SMIM29: variants seen among roughly 807,000 people sequenced by gnomAD.
The protein encoded by SMIM29 is uncharacterized protein C6orf1.
Under a neutral mutation model 12.9 loss-of-function variants are expected in SMIM29, and 4 were observed. The ratio of observed to expected loss-of-function variants is 0.31; its 90% CI spans 0.15 to 0.71. The LOEUF (loss-of-function observed/expected upper bound fraction) is 0.71, where lower values mean the gene tolerates loss of function less well. Among genes scored for constraint, SMIM29 ranks in the 30% least tolerant of loss-of-function variants. The pLI is 0.70. For synonymous variants in SMIM29, 50 were observed against 52.0 expected (o/e 0.96, Z 0.17); for missense variants, 122 against 138.1 (o/e 0.88, Z 0.58).
chr6:34,248,888 C>T, intron 1 of SMIM29, 91 bp downstream of exon 1: 10 of 985,646 alleles, frequency 1.0e-5, no homozygotes, highest in Non-Finnish European at 1.2e-5. Context: ...GCGGATGGGC[C>T]GCCCCGCGCC....
rs1424037534 is a variant in SMIM29 at position 34,246,591 on chromosome 6, C to T, written c.*212G>A. On this transcript the variant is annotated 3_prime_UTR_variant, in exon 5 of 5. Coordinates refer to ENST00000476320, the MANE Select transcript of SMIM29 (RefSeq NM_001008703.4). Reference sequence around the variant, plus strand: ...CTTCCCATGAGTGCCTGTGGGTGGGCGGTGAGCTCAACACCCACAAAGGGC... The same window carrying T: ...CTTCCCATGAGTGCCTGTGGGTGGGTGGTGAGCTCAACACCCACAAAGGGC... The T allele has an allele frequency of 7.5e-6, 12 of 1,609,554 alleles. No homozygotes were observed. In the East Asian group the frequency reaches 8.9e-5, roughly 12 times the overall value.
In SMIM29 at chr6:34,247,678, T is replaced by A; in HGVS notation, c.111+3A>T. On this transcript the variant is annotated splice_donor_region_variant and intron_variant, in intron 2 of 4. Transcript: ENST00000476320. ...TGTCTGTGTGTATATGAGGGCTCCT[T>A]ACCACAGCCACCACCACCCCGACCA... 1 of 1,408,692 alleles carries A rather than the reference T, an allele frequency of 7.1e-7. No individual in the cohort carries two copies. The highest frequency in any genetic ancestry group is 9.2e-7 in the Non-Finnish European group (1 of 1,087,970). 87.3% of individuals were successfully genotyped at this position (1,408,692 alleles called of 1,614,324 possible).
rs952582736 is a variant in SMIM29, at chr6:34,246,406, CATTTT to C, written c.*392_*396del. Reference sequence around the variant, plus strand: ...GAAATCAAAACCCCTAGCCACAAAACATTTTATTTACAAAATATATACTGAATACT... The same window carrying C: ...GAAATCAAAACCCCTAGCCACAAAACATTTACAAAATATATACTGAATACT... On this transcript the variant is annotated 3_prime_UTR_variant, in exon 5 of 5. Transcript: ENST00000476320. 2.4e-6 allele frequency: 3 copies of C among 1,268,826 alleles called. No homozygotes were observed. Among genetic ancestry groups the C allele is most frequent in the Non-Finnish European group, 2.1e-6 (2 of 961,552 alleles). The allele number at this position is 1,268,826 out of a possible 1,614,324, so 78.6% of individuals were successfully genotyped here. A position where few individuals can be genotyped will look rare whatever the true frequency, so the allele number is the denominator to read the frequency against.
rs1762862624 is a variant in SMIM29 at position 34,247,770 on chromosome 6, T to G, written c.22A>C (p.Asn8His). 1 of 1,343,454 alleles carries G rather than the reference T, an allele frequency of 7.4e-7. No individual in the cohort carries two copies. 83.2% of individuals were successfully genotyped at this position (1,343,454 alleles called of 1,614,324 possible). A position where few individuals can be genotyped will look rare whatever the true frequency, so the allele number is the denominator to read the frequency against. Residue 8 changes from asparagine (N) to histidine (H), a missense_variant, in exon 2 of 5, where the codon AAT becomes CAT. Physicochemically the swap from Asn to His is moderately conservative, Grantham distance 68. Coordinates refer to ENST00000476320, the MANE Select transcript of SMIM29 (RefSeq NM_001008703.4). MSNTTVP[N>H]APQANSDSMV... is the part of the protein sequence containing the mutation. Reference sequence around the variant, plus strand: ...GAGTCGCTGTTGGCCTGGGGGGCATTGGGCACAGTGGTGTTACTCATGACA... The same window carrying G: ...GAGTCGCTGTTGGCCTGGGGGGCATGGGGCACAGTGGTGTTACTCATGACA...
Position 34,246,849 on chromosome 6 carries a change from C to G in SMIM29, c.263G>C (p.Ser88Thr). 6.2e-7 allele frequency: 1 copy of G among 1,610,374 alleles called. No homozygotes were observed. Among genetic ancestry groups the G allele is most frequent in the Non-Finnish European group, 8.5e-7 (1 of 1,178,132 alleles). Residue 88 changes from serine (S) to threonine (T), a missense_variant, in exon 5 of 5, where the codon AGT becomes ACT. Ser to Thr is a moderately conservative substitution (Grantham distance 58, BLOSUM62 1). Coordinates refer to ENST00000476320, the MANE Select transcript of SMIM29 (RefSeq NM_001008703.4). Reference sequence around the variant, plus strand: ...TGGCATCCGCTTGTGCTGGTAGCCACTCTGCCAGCCATGTACCACCTGTCG... The same window carrying G: ...TGGCATCCGCTTGTGCTGGTAGCCAGTCTGCCAGCCATGTACCACCTGTCG... ...GDPKVVHGWQ[S>T]GYQHKRMPLL...
Position 34,246,739 on chromosome 6 carries a change from C to T in SMIM29, c.*64G>A, listed in dbSNP as rs751933208. The T allele has an allele frequency of 2.4e-5, 39 of 1,613,636 alleles. No homozygotes were observed. Among genetic ancestry groups the T allele is most frequent in the Non-Finnish European group, 3.1e-5 (36 of 1,180,020 alleles). ...GGGAGCCAGGTGACAGCAGGGGAAG[C>T]AGATGGCAGGGCCCCAGGCAGTCCA... On this transcript the variant is annotated 3_prime_UTR_variant, in exon 5 of 5. Coordinates refer to ENST00000476320, the MANE Select transcript of SMIM29 (RefSeq NM_001008703.4).
At chr6:34,248,894 G>A (rs972530737) in intron 1 of SMIM29, 85 bp downstream of exon 1, 187 of 985,530 alleles carry the variant, frequency 1.9e-4, no homozygotes, top group Non-Finnish European at 1.9e-4. Flanking sequence ...GGGCCGCCCC[G>A]CGCCCGAACA....
chr6:34,248,430 G>C, intron 1 of SMIM29: 1 of 985,044 alleles, frequency 1.0e-6, no homozygotes, highest in Non-Finnish European at 1.2e-6. Context: ...CATCTGTCTC[G>C]TGTGCCAGGG....
intron 1 of SMIM29, chr6:34,248,092 C>T (rs74584672): frequency 0.025 from 24,188 of 985,448 alleles, 339 homozygotes; most frequent in Non-Finnish European, 0.027. Context: ...TGCCCAACTC[C>T]TATCCCTAAA....
chr6:34,246,908 TC>T (rs764233280), intron 4 of SMIM29, 40 bp from the exon 5 acceptor site: 9 of 1,596,724 alleles, frequency 5.6e-6, no homozygotes, highest in Admixed American at 5.1e-5. Context: ...TGGGCTGTGT[TC>T]CCTGGGAGTC....
intron 4 of SMIM29, 49 bp downstream of exon 4, chr6:34,246,995 G>A: frequency 1.2e-6 from 2 of 1,613,394 alleles, no homozygotes; most frequent in Non-Finnish European, 8.5e-7. Flanking sequence ...CTGGGAACAG[G>A]GCTGACTCCC....
chr6:34,247,276 C>T (rs903054888), intron 3 of SMIM29, 127 bp from the exon 4 acceptor site: 13 of 1,563,526 alleles, frequency 8.3e-6, no homozygotes, highest in Non-Finnish European at 1.0e-5. Flanking sequence ...ACACACTATA[C>T]CTCCAAGAAT....
chr6:34,246,953 C>T (rs1216863384), intron 4 of SMIM29, 85 bp from the exon 5 acceptor site: 1 of 1,606,190 alleles, frequency 6.2e-7, no homozygotes. Flanking sequence ...GTAAGCAGAA[C>T]CAGGCTCTGG....
chr6:34,247,312 T>C, intron 3 of SMIM29, 155 bp downstream of exon 3: 10 of 1,540,302 alleles, frequency 6.5e-6, no homozygotes, highest in Non-Finnish European at 7.0e-6. Flanking sequence ...CAAAGGGGCT[T>C]TCCCCAGTGA....
intron 1 of SMIM29, 51 bp downstream of exon 1, chr6:34,248,928 C>T (rs938255067): frequency 3.0e-6 from 3 of 985,492 alleles, no homozygotes; most frequent in East Asian, 1.1e-4. Flanking sequence ...TCACCCGAGG[C>T]GTGGACCCGT....
chr6:34,248,980 T>TCTGCTGGAGC lies in SMIM29; in HGVS notation c.-76_-75insGCTCCAGCAG. ...CCAGCCGGCCTGGCCATGCCTTACC[T>TCTGCTGGAGC]CCCGCCGCTGCAGCCCCGACAGGAA... On this transcript the variant is annotated splice_region_variant and 5_prime_UTR_variant, in exon 1 of 5. Transcript: ENST00000476320. The TCTGCTGGAGC allele has an allele frequency of 1.0e-6, 1 of 985,270 alleles. No homozygotes were observed. The highest frequency in any genetic ancestry group is 4.7e-5 in the South Asian group (1 of 21,284). 61.0% of individuals were successfully genotyped at this position (985,270 alleles called of 1,614,324 possible).
Position 34,247,133 on chromosome 6 carries a change from G to A in SMIM29, c.154C>T (p.His52Tyr), listed in dbSNP as rs751266241. Residue 52 changes from histidine (H) to tyrosine (Y), a missense_variant, in exon 4 of 5, where the codon CAT becomes TAT. By Grantham distance (83) the His-to-Tyr change is moderately conservative (BLOSUM62 2). Transcript: ENST00000476320. ...TAGCTGTACATGGGGAGCAGGTGATGGCGCAGCCGGTCCACCCTGGGGAGC... is the reference window on the plus strand; with the variant it reads ...TAGCTGTACATGGGGAGCAGGTGATAGCGCAGCCGGTCCACCCTGGGGAGC... Reference protein sequence around the residue: ...QKKKRVDRLRHHLLPMYSYDP... With the variant: ...QKKKRVDRLRYHLLPMYSYDP... 6.2e-7 allele frequency: 1 copy of A among 1,614,096 alleles called. No homozygotes were observed. The highest frequency in any genetic ancestry group is 1.1e-5 in the South Asian group (1 of 91,086).
Position 34,246,530 on chromosome 6 carries a change from T to A in SMIM29, c.*273A>T. 5 of 1,557,716 alleles carry A rather than the reference T, an allele frequency of 3.2e-6. No homozygotes were observed. The highest frequency in any genetic ancestry group is 4.3e-6 in the Non-Finnish European group (5 of 1,149,806). On this transcript the variant is annotated 3_prime_UTR_variant, in exon 5 of 5. Coordinates refer to ENST00000476320, the MANE Select transcript of SMIM29 (RefSeq NM_001008703.4). ...CCAGGAGGGCTAGAGAAAGCAAAGG[T>A]GTCTACCAGCCGCCCCCATCCCAGA... is the stretch of plus-strand genomic sequence containing the variant.
At position 34,247,074 on chromosome 6, in the gene SMIM29, C is replaced by T. The variant is rs1762819797; in HGVS notation, c.213G>A (p.Gln71=). 6.2e-7 allele frequency: 1 copy of T among 1,614,138 alleles called. No individual in the cohort carries two copies. The highest frequency in any genetic ancestry group is 1.1e-5 in the South Asian group (1 of 91,082). Residue 71 remains glutamine (Q), a synonymous_variant, in exon 4 of 5, where the codon CAG becomes CAA. Coordinates refer to ENST00000476320, the MANE Select transcript of SMIM29 (RefSeq NM_001008703.4). The part of the protein sequence containing the change: ...DPAEELHEAE[Q]ELLSDMGDPK... The stretch of plus-strand genomic sequence containing the variant: ...GGTCTCCCATGTCAGAGAGCAGCTC[C>T]TGCTCAGCCTCATGCAGTTCCTCAG...
Sources: gnomAD v4.1 joint callset for allele counts on GRCh38, gnomAD v4.1.1 for gene constraint, MANE v1.5 for transcripts, NCBI Gene and HGNC (gene_info 2026-07-23, HGNC 2026-07-21) for gene names.